ARMH1: variants seen among roughly 807,000 people sequenced by gnomAD.
The protein encoded by ARMH1 is armadillo like helical domain containing 1.
Under a neutral mutation model 50.2 loss-of-function variants are expected in ARMH1, and 34 were observed. The observed-to-expected ratio is 0.68, with a 90% confidence interval of 0.51 to 0.90. The LOEUF (loss-of-function observed/expected upper bound fraction) is 0.90. Ranked by LOEUF, ARMH1 falls within the 40% of genes least tolerant of loss-of-function variation. The probability of loss-of-function intolerance (pLI) is 0.00; values close to 1 mark genes in which losing one functional copy is unlikely to be tolerated. For synonymous variants in ARMH1, 221 were observed against 224.2 expected (o/e 0.99, Z 0.13); for missense variants, 538 against 553.9 (o/e 0.97, Z 0.29).
In ARMH1 at chr1:44,718,797, G is replaced by C. The variant is rs184788174; in HGVS notation, c.725-5325G>C. 4.9e-4 allele frequency among the ~76,000 whole-genome samples: 74 copies of C among 152,252 alleles called. No homozygotes were observed. In the East Asian group the frequency reaches 0.014, roughly 28 times the overall value. ...CCCAGCACTTTGGGAGGCCGAGGCA[G>C]GCGGATCACCTGAAGTCGGGAGTTC... On this transcript the variant is annotated intron_variant, in intron 6 of 11. Transcript: ENST00000535358.
At chr1:44,712,755 C>A (rs759520863) in intron 6 of ARMH1, among the ~76,000 whole-genome samples, 2 of 149,076 alleles carry the variant, frequency 1.3e-5, no homozygotes, top group African/African-American at 5.0e-5. Flanking sequence ...CCTCTGCCTC[C>A]GAGGTTCAAG....
chr1:44,676,248 G>A (rs1232172667), intron 1 of ARMH1, among the ~76,000 whole-genome samples: 1 of 152,200 alleles, frequency 6.6e-6, no homozygotes, highest in East Asian at 1.9e-4. Flanking sequence ...GAGAGGGTCA[G>A]TTCTGGGCAC....
chr1:44,687,596 A>AGCTGAGCCTTT (rs1337433506), intron 1 of ARMH1, among the ~76,000 whole-genome samples: 2 of 152,104 alleles, frequency 1.3e-5, no homozygotes, highest in Non-Finnish European at 2.9e-5. Flanking sequence ...CAAGTGGCGG[A>AGCTGAGCCTTT]GCTGAGCCTT....
chr1:44,692,881 T>C (rs561355734), intron 2 of ARMH1: 108 of 152,136 alleles, frequency 7.1e-4, no homozygotes, highest in African/African-American at 2.6e-3. Context: ...ACTATAGGCG[T>C]GCACCACCAC....
In ARMH1 at chr1:44,682,056, C is replaced by G. The variant is rs376379873; in HGVS notation, c.-23+7183C>G. On this transcript the variant is annotated intron_variant, in intron 1 of 11. Transcript: ENST00000535358. This position sits in a 1 kb window ranked among gnomAD's most constrained non-coding sequence, Gnocchi z 4.5. ...CCGAGGGCAAGGTCTATGTTTGTCA[C>G]GTTAACCAATCCCAAGCCCAGTGCT... 2.6e-5 allele frequency among the ~76,000 whole-genome samples: 4 copies of G among 152,180 alleles called. No individual in the cohort carries two copies. The highest frequency in any genetic ancestry group is 5.9e-5 in the Non-Finnish European group (4 of 68,028).
At position 44,725,173 on chromosome 1, in the gene ARMH1, T is replaced by C; in HGVS notation, c.1166T>C (p.Ile389Thr). 1.3e-6 allele frequency: 2 copies of C among 1,552,004 alleles called. No homozygotes were observed. The highest frequency in any genetic ancestry group is 1.7e-6 in the Non-Finnish European group (2 of 1,147,042). Reference protein sequence around the residue: ...AEDLYMKIDSIQADILAANTV... With the variant: ...AEDLYMKIDSTQADILAANTV... ...GACTTGTACATGAAAATAGACAGCA[T>C]TCAGGCGGACATCTTGGCGGCCAAC... is the stretch of plus-strand genomic sequence containing the variant. Residue 389 changes from isoleucine (I) to threonine (T), a missense_variant, in exon 11 of 12, where the codon ATT becomes ACT. Physicochemically the swap from Ile to Thr is moderately conservative, Grantham distance 89. Transcript: ENST00000535358.
chr1:44,698,212 T>G lies in ARMH1; in HGVS notation c.425T>G (p.Leu142Arg). 3.2e-6 allele frequency: 5 copies of G among 1,551,998 alleles called. No individual in the cohort carries two copies. Among genetic ancestry groups the G allele is most frequent in the Non-Finnish European group, 4.4e-6 (5 of 1,146,908 alleles). Residue 142 changes from leucine to arginine, a missense_variant, in exon 4 of 12, where the codon CTC (leucine) becomes CGC (arginine). Leu to Arg is a moderately radical substitution (Grantham distance 102, BLOSUM62 -2). Coordinates refer to ENST00000535358, the MANE Select transcript of ARMH1 (RefSeq NM_001145636.2). Reference sequence around the variant, plus strand: ...AACTCTGGCAGGACATACAAGGAACTCATTTGTGAAAGCTATGGTGGGTAC... The same window carrying G: ...AACTCTGGCAGGACATACAAGGAACGCATTTGTGAAAGCTATGGTGGGTAC... Reference protein sequence around the residue: ...IANSGRTYKELICESYGVRSI... With the variant: ...IANSGRTYKERICESYGVRSI...
intron 6 of ARMH1, among the ~76,000 whole-genome samples, chr1:44,716,192 C>G (rs1646843468): frequency 6.6e-6 from 1 of 151,928 alleles, no homozygotes; most frequent in South Asian, 2.1e-4. Flanking sequence ...TCCTTCTTTG[C>G]TGTCTATGGC....
At chr1:44,719,841 G>A (rs1385253752) in intron 6 of ARMH1, among the ~76,000 whole-genome samples, 1 of 152,204 alleles carries the variant, frequency 6.6e-6, no homozygotes, top group Non-Finnish European at 1.5e-5. Context: ...CATCCATAGA[G>A]TGGTGCCCAG....
chr1:44,690,355 T>G (rs1174015375), intron 2 of ARMH1, among the ~76,000 whole-genome samples: 1 of 152,162 alleles, frequency 6.6e-6, no homozygotes, highest in Non-Finnish European at 1.5e-5. Context: ...AAAAAAATCC[T>G]TAGAGTCAAG....
At chr1:44,709,352 G>C (rs569385966) in intron 6 of ARMH1, among the ~76,000 whole-genome samples, 8 of 152,264 alleles carry the variant, frequency 5.3e-5, no homozygotes, top group African/African-American at 1.9e-4. Context: ...CAGAATTCTT[G>C]AGTTTCTTCC....
intron 6 of ARMH1, among the ~76,000 whole-genome samples, chr1:44,711,331 C>G (rs992082436): frequency 2.4e-4 from 36 of 152,302 alleles, no homozygotes; most frequent in Middle Eastern, 6.8e-3. Flanking sequence ...ATGAGGATTC[C>G]AATTTCTCCA....
intron 4 of ARMH1, among the ~76,000 whole-genome samples, chr1:44,698,624 A>T (rs1428588546): frequency 1.3e-5 from 2 of 151,534 alleles, no homozygotes; most frequent in African/African-American, 4.9e-5. Flanking sequence ...CAGCCTGACC[A>T]ACATGGAGAA....
At position 44,695,867 on chromosome 1, in the gene ARMH1, C is replaced by T. The variant is rs542834869; in HGVS notation, c.207-1235C>T. Among the ~76,000 whole-genome samples, 13 of 151,346 alleles carry T rather than the reference C, an allele frequency of 8.6e-5. 1 individual carries two copies. The highest frequency in any genetic ancestry group is 1.6e-4 in the Non-Finnish European group (11 of 67,926). Reference sequence around the variant, plus strand: ...GACTGAGACAGGAGGATTGCTTGAGCCCAGGAGTTCAAGCCTACAGTGAGC... The same window carrying T: ...GACTGAGACAGGAGGATTGCTTGAGTCCAGGAGTTCAAGCCTACAGTGAGC... On this transcript the variant is annotated intron_variant, in intron 2 of 11. Coordinates refer to ENST00000535358, the MANE Select transcript of ARMH1 (RefSeq NM_001145636.2).
chr1:44,694,908 A>G (rs1266985494), intron 2 of ARMH1, among the ~76,000 whole-genome samples: 1 of 152,190 alleles, frequency 6.6e-6, no homozygotes, highest in Non-Finnish European at 1.5e-5. Context: ...GGTGATTGGT[A>G]TTATTCCATT....
intron 2 of ARMH1, among the ~76,000 whole-genome samples, chr1:44,692,256 A>G (rs1374099606): frequency 6.6e-6 from 1 of 152,128 alleles, no homozygotes; most frequent in Non-Finnish European, 1.5e-5. Flanking sequence ...CCTCATCTCT[A>G]TAAAAATAAA....
chr1:44,690,296 A>T (rs749143666), intron 2 of ARMH1, among the ~76,000 whole-genome samples: 1 of 152,136 alleles, frequency 6.6e-6, no homozygotes, highest in Non-Finnish European at 1.5e-5. Flanking sequence ...TTTTCTCTTG[A>T]TTCTGATATT....
intron 1 of ARMH1, among the ~76,000 whole-genome samples, chr1:44,685,722 G>T (rs6659673): frequency 3.9e-5 from 6 of 151,910 alleles, no homozygotes; most frequent in Non-Finnish European, 8.8e-5. Context: ...CCACATCCTG[G>T]GTTCAAGTGA....
intron 1 of ARMH1, among the ~76,000 whole-genome samples, chr1:44,686,716 CTAAAG>C (rs1300723884): frequency 1.3e-5 from 2 of 151,786 alleles, no homozygotes; most frequent in South Asian, 2.1e-4. Context: ...TGATTTAACT[CTAAAG>C]TATGGGAAAT....
Sources: allele counts gnomAD v4.1 joint callset (sites outside exome capture counted in the v4.1 genomes callset), GRCh38; gene constraint gnomAD v4.1.1; non-coding constraint Gnocchi (gnomAD v3.1); transcripts MANE v1.5; gene names NCBI Gene and HGNC (gene_info 2026-07-23, HGNC 2026-07-21).